The following RNLS variants were observed in gnomAD, a reference collection of about 807,000 sequenced individuals.
RNLS encodes the protein renalase.
Under a neutral mutation model 39.8 loss-of-function variants are expected in RNLS, and 39 were observed. The observed-to-expected ratio is 0.98, with a 90% confidence interval of 0.76 to 1.28. The LOEUF (loss-of-function observed/expected upper bound fraction) is 1.28, where lower values mean the gene tolerates loss of function less well. Among genes scored for constraint, RNLS ranks in the 50% most tolerant of loss-of-function variants. The pLI, the probability that RNLS is intolerant of heterozygous loss-of-function variation, is 0.00. For missense variants in RNLS, 410 were observed against 413.3 expected (o/e 0.99, Z 0.07); for synonymous variants, 147 against 150.7 (o/e 0.98, Z 0.18).
chr10:88,462,099 G>A (rs1416142432), intron 4 of RNLS, among the ~76,000 whole-genome samples: 8 of 151,856 alleles, frequency 5.3e-5, no homozygotes, highest in Non-Finnish European at 7.4e-5. Flanking sequence ...TACATGCTTC[G>A]TGAATACTAA....
chr10:88,279,148 C>T (rs1842919818), downstream of RNLS, among the ~76,000 whole-genome samples: 2 of 152,168 alleles, frequency 1.3e-5, no homozygotes, highest in South Asian at 2.1e-4. Flanking sequence ...AGCATTTATT[C>T]ATTCAAGAGT....
intron 4 of RNLS, among the ~76,000 whole-genome samples, chr10:88,404,765 C>T (rs371614132): frequency 6.6e-5 from 10 of 152,104 alleles, no homozygotes; most frequent in African/African-American, 2.4e-4. Flanking sequence ...CTCAGCACTT[C>T]CCAAATTCTA....
In RNLS at chr10:88,285,338, A is replaced by C; in HGVS notation, c.*16T>G. On this transcript the variant is annotated 3_prime_UTR_variant, in exon 7 of 7. Coordinates refer to ENST00000331772, the MANE Select transcript of RNLS (RefSeq NM_001031709.3). ...ATAAAAACCCAATACACATGTAGAGAATAAGGATATAGGCACTAAATATAA... is the reference window on the plus strand; with the variant it reads ...ATAAAAACCCAATACACATGTAGAGCATAAGGATATAGGCACTAAATATAA... 1.3e-6 allele frequency: 2 copies of C among 1,596,984 alleles called. No homozygotes were observed. The highest frequency in any genetic ancestry group is 1.7e-6 in the Non-Finnish European group (2 of 1,169,264).
At position 88,381,903 on chromosome 10, in the gene RNLS, C is replaced by T. The variant is rs868325661; in HGVS notation, c.527-19178G>A. Among the ~76,000 whole-genome samples the T allele has an allele frequency of 2.1e-4, 6 of 28,110 alleles. 1 individual carries two copies. The highest frequency in any genetic ancestry group is 4.2e-4 in the African/African-American group (3 of 7,124). The allele number at this position is 28,110 out of a possible 152,430, so 18.4% of individuals were successfully genotyped here. A position where few individuals can be genotyped will look rare whatever the true frequency, so the allele number is the denominator to read the frequency against. ...AAGTGATTGAAAAATACAAAAATAA[C>T]AATTTTTTGGTACATACAAATTATA... On this transcript the variant is annotated intron_variant, in intron 4 of 6. Transcript: ENST00000331772.
chr10:88,541,331 T>C (rs1390073788), intron 4 of RNLS, among the ~76,000 whole-genome samples: 2 of 152,212 alleles, frequency 1.3e-5, no homozygotes, highest in East Asian at 3.8e-4. Flanking sequence ...ATGTAAGTCA[T>C]TTACTTCATG....
chr10:88,389,663 GCA>G (rs140781013), intron 4 of RNLS, among the ~76,000 whole-genome samples: 2,401 of 152,178 alleles, frequency 0.016, 24 homozygotes, highest in Non-Finnish European at 0.024. Context: ...AATGAAATTC[GCA>G]CAGTTTTTAA....
chr10:88,427,537 T>G (rs541979713), intron 4 of RNLS, among the ~76,000 whole-genome samples: 2 of 152,114 alleles, frequency 1.3e-5, no homozygotes, highest in East Asian at 3.9e-4. Context: ...GATGCAGGCA[T>G]GAAAATCATA....
the RNLS span, among the ~76,000 whole-genome samples, chr10:88,174,893 T>C: frequency 6.6e-6 from 1 of 152,232 alleles, no homozygotes; most frequent in African/African-American, 2.4e-5. Context: ...TGTTGTGGAC[T>C]TCTCTTTGTT....
At chr10:88,387,759 T>C (rs535476517) in intron 4 of RNLS, among the ~76,000 whole-genome samples, 1 of 152,222 alleles carries the variant, frequency 6.6e-6, no homozygotes, top group Admixed American at 6.5e-5. Context: ...GGAGCAGGTG[T>C]TGTGGAGATA....
intron 5 of RNLS, among the ~76,000 whole-genome samples, chr10:88,332,960 C>A (rs932208554): frequency 6.6e-6 from 1 of 152,140 alleles, no homozygotes; most frequent in Non-Finnish European, 1.5e-5. Context: ...GTCTCTTTCT[C>A]CATCCTGATT....
At chr10:88,296,505 A>T (rs1844106844) in intron 6 of RNLS, among the ~76,000 whole-genome samples, 4 of 152,158 alleles carry the variant, frequency 2.6e-5, no homozygotes, top group African/African-American at 9.7e-5. Flanking sequence ...TCTGGGCCAT[A>T]GGATTATGGC....
At chr10:88,244,920 T>C in the RNLS span, among the ~76,000 whole-genome samples, 138 of 152,264 alleles carry the variant, frequency 9.1e-4, no homozygotes, top group Middle Eastern at 3.4e-3. Flanking sequence ...GATGGTGCCA[T>C]CCAAAGTACA....
intron 4 of RNLS, among the ~76,000 whole-genome samples, chr10:88,550,476 G>A (rs1207957904): frequency 2.0e-5 from 3 of 152,018 alleles, no homozygotes; most frequent in Non-Finnish European, 4.4e-5. Flanking sequence ...ATTTACTTGG[G>A]GAAGTACAAA....
chr10:88,488,089 G>T (rs1164543440), intron 4 of RNLS, among the ~76,000 whole-genome samples: 2 of 152,106 alleles, frequency 1.3e-5, no homozygotes, highest in Non-Finnish European at 2.9e-5. Flanking sequence ...ATGGGAGAAG[G>T]TATGAATTAC....
chr10:88,469,943 A>AGTATCTTATACATATACATATGTATATC (rs1843426290), intron 4 of RNLS, among the ~76,000 whole-genome samples: 1 of 151,456 alleles, frequency 6.6e-6, no homozygotes, highest in Admixed American at 6.6e-5. Context: ...ATATGTATAT[A>AGTATCTTATACATATACATATGTATATC]GTATCTTATA....
intron 4 of RNLS, among the ~76,000 whole-genome samples, chr10:88,547,292 G>A (rs558542058): frequency 6.6e-6 from 1 of 152,310 alleles, no homozygotes; most frequent in African/African-American, 2.4e-5. Flanking sequence ...GGAAACATGT[G>A]TGCAAGTGCA....
chr10:88,281,225 T>C (rs1007431153), downstream of RNLS, among the ~76,000 whole-genome samples: 1 of 152,198 alleles, frequency 6.6e-6, no homozygotes, highest in East Asian at 1.9e-4. Flanking sequence ...TAAGAACTTA[T>C]TTGTGCTGAG....
At chr10:88,339,087 A>G (rs112670614) in intron 5 of RNLS, among the ~76,000 whole-genome samples, 2,411 of 152,216 alleles carry the variant, frequency 0.016, 21 homozygotes, top group Middle Eastern at 0.031. Flanking sequence ...AGGTTCTTCC[A>G]TTTCCAGGAT....
chr10:88,265,649 G>T, the RNLS span, among the ~76,000 whole-genome samples: 1 of 152,184 alleles, frequency 6.6e-6, no homozygotes, highest in East Asian at 1.9e-4. Context: ...TTGATTCGTA[G>T]CTTGGTCGCT....
Sources: allele counts gnomAD v4.1 joint callset (sites outside exome capture counted in the v4.1 genomes callset), GRCh38; gene constraint gnomAD v4.1.1; transcripts MANE v1.5; gene names NCBI Gene and HGNC (gene_info 2026-07-23, HGNC 2026-07-21).